Variants in ZC3H12C observed in about 807,000 individuals in gnomAD.
ZC3H12C encodes the protein zinc finger CCCH-type containing 12C.
A neutral mutation model predicts 76.3 loss-of-function variants in ZC3H12C; 20 were observed. The observed-to-expected ratio is 0.26, with a 90% CI of 0.18 to 0.38. The LOEUF (loss-of-function observed/expected upper bound fraction) is 0.38, where lower values mean the gene tolerates loss of function less well. Ranked by LOEUF, ZC3H12C falls within the 10% of genes least tolerant of loss-of-function variation. The probability of loss-of-function intolerance (pLI) is 1.00; values close to 1 mark genes in which losing one functional copy is unlikely to be tolerated. For synonymous variants in ZC3H12C, 352 were observed against 399.6 expected (o/e 0.88, Z 1.42); for missense variants, 874 against 1,086.5 (o/e 0.80, Z 2.75).
intron 2 of ZC3H12C, among the ~76,000 whole-genome samples, chr11:110,143,261 C>T (rs1471958467): frequency 6.6e-6 from 1 of 152,276 alleles, no homozygotes; most frequent in East Asian, 1.9e-4. Flanking sequence ...TGAGAGGCAG[C>T]TGCACTTCTT....
At chr11:110,161,332 T>A (rs986270014) in intron 4 of ZC3H12C, among the ~76,000 whole-genome samples, 2 of 152,224 alleles carry the variant, frequency 1.3e-5, no homozygotes, top group African/African-American at 4.8e-5. Flanking sequence ...AGTCCATTGT[T>A]GACCAAGATG....
chr11:110,094,362 A>T (rs1276313387), intron 1 of ZC3H12C, among the ~76,000 whole-genome samples: 1 of 152,252 alleles, frequency 6.6e-6, no homozygotes, highest in Non-Finnish European at 1.5e-5. Flanking sequence ...TTTAGAATAG[A>T]TGCAGAGATA....
chr11:110,117,743 T>C (rs28559283), intron 1 of ZC3H12C, among the ~76,000 whole-genome samples: 6 of 99,534 alleles, frequency 6.0e-5, no homozygotes, highest in African/African-American at 1.8e-4. Flanking sequence ...TACACACACA[T>C]ATATATATTA....
At position 110,109,290 on chromosome 11, in the gene ZC3H12C, A is replaced by G. The variant is rs574120372; in HGVS notation, c.21+15858A>G. ...CTTTGTTAGGAATGGAATCAAGTAT[A>G]TAAATCCTTAATAAAGCTCTCATTC... is the stretch of plus-strand genomic sequence containing the variant. On this transcript the variant is annotated intron_variant, in intron 1 of 5. Transcript: ENST00000278590. Among the ~76,000 whole-genome samples, 9 of 152,348 alleles carry G rather than the reference A, an allele frequency of 5.9e-5. No homozygotes were observed. In the East Asian group the frequency reaches 1.5e-3, roughly 26 times the overall value.
rs1203848679 is a variant in ZC3H12C at position 110,164,404 on chromosome 11, A to T, written c.1319A>T (p.Gln440Leu). 2 of 1,613,998 alleles carry T rather than the reference A, an allele frequency of 1.2e-6. No individual in the cohort carries two copies. The highest frequency in any genetic ancestry group is 1.7e-6 in the Non-Finnish European group (2 of 1,179,876). The change falls in exon 6 of 6, where the codon CAG becomes CTG. Residue 440 changes from glutamine (Q) to leucine (L), a missense_variant. By Grantham distance (113) the Gln-to-Leu change is moderately radical. Around this residue, in one of 3 missense-constraint regions of ZC3H12C, gnomAD observed 269 missense variants for 424.9 expected, o/e 0.63. Transcript: ENST00000278590. The surrounding 1 kb of genome is among the most constrained non-coding windows in gnomAD (Gnocchi z 5.7). ...CATCCCGAAAGGGGCAGTCAGCCAC[A>T]GCGGTCAGTGGCTGATGAACTCCGT... ...YYHPERGSQPQRSVADELRAM... is the reference protein window; with the variant it reads ...YYHPERGSQPLRSVADELRAM...
At chr11:110,126,347 C>A (rs767716472) in intron 1 of ZC3H12C, among the ~76,000 whole-genome samples, 1 of 150,476 alleles carries the variant, frequency 6.6e-6, no homozygotes, top group Non-Finnish European at 1.5e-5. Context: ...TTCCGAGTAG[C>A]TAGAACTACA....
chr11:110,093,723 C>G (rs1312747331), intron 1 of ZC3H12C, among the ~76,000 whole-genome samples: 1 of 152,098 alleles, frequency 6.6e-6, no homozygotes, highest in Non-Finnish European at 1.5e-5. Flanking sequence ...TTCCCGGCCC[C>G]GCGGCCTAAG....
At chr11:110,107,674 C>T (rs1434082565) in intron 1 of ZC3H12C, among the ~76,000 whole-genome samples, 4 of 150,788 alleles carry the variant, frequency 2.7e-5, no homozygotes, top group Non-Finnish European at 4.4e-5. Context: ...TACAGGCGCC[C>T]GCCACCATAC....
intron 1 of ZC3H12C, among the ~76,000 whole-genome samples, chr11:110,135,114 G>C (rs1437249882): frequency 6.6e-6 from 1 of 152,082 alleles, no homozygotes; most frequent in Non-Finnish European, 1.5e-5. Flanking sequence ...TTTTAAATAG[G>C]TGTTTTTATG....
intron 1 of ZC3H12C, among the ~76,000 whole-genome samples, chr11:110,103,489 CTTAAA>C (rs1861256590): frequency 2.0e-5 from 3 of 152,076 alleles, no homozygotes. Flanking sequence ...GAGAGCTTTG[CTTAAA>C]TTATTTAATT....
chr11:110,123,424 T>A (rs575006870), intron 1 of ZC3H12C, among the ~76,000 whole-genome samples: 8 of 152,360 alleles, frequency 5.3e-5, no homozygotes, highest in Non-Finnish European at 1.2e-4. Context: ...TGAGTTATAT[T>A]TTCATTTAAA....
intron 2 of ZC3H12C, among the ~76,000 whole-genome samples, chr11:110,148,449 G>T (rs926581989): frequency 1.3e-5 from 2 of 152,150 alleles, no homozygotes; most frequent in Admixed American, 1.3e-4. Flanking sequence ...TACCCATTTT[G>T]CTCAGTTGTA....
chr11:110,137,384 T>C lies in ZC3H12C; in HGVS notation c.743T>C (p.Ile248Thr), dbSNP rs747980369. Reference protein sequence around the residue: ...VTDDGENLRPIVIDGSNVAMS... With the variant: ...VTDDGENLRPTVIDGSNVAMS... The stretch of plus-strand genomic sequence containing the variant: ...GATGATGGTGAAAATCTGAGACCAA[T>C]AGTTATTGATGGCAGCAATGTGGCA... The change falls in exon 2 of 6, where the codon ATA becomes ACA. Residue 248 changes from isoleucine to threonine, a missense_variant. Ile to Thr is a moderately conservative substitution (Grantham distance 89, BLOSUM62 -1). Coordinates refer to ENST00000278590, the MANE Select transcript of ZC3H12C (RefSeq NM_033390.2). 34 of 1,609,834 alleles carry C rather than the reference T, an allele frequency of 2.1e-5. No individual in the cohort carries two copies. Among genetic ancestry groups the C allele is most frequent in the Non-Finnish European group, 2.8e-5 (33 of 1,178,496 alleles).
chr11:110,154,239 G>GT (rs1434002073), intron 3 of ZC3H12C, among the ~76,000 whole-genome samples: 2 of 152,022 alleles, frequency 1.3e-5, no homozygotes, highest in Non-Finnish European at 2.9e-5. Flanking sequence ...CAGGTGTGGT[G>GT]GCATGTGCTG....
At chr11:110,098,910 C>T (rs770539239) in intron 1 of ZC3H12C, among the ~76,000 whole-genome samples, 9 of 152,170 alleles carry the variant, frequency 5.9e-5, no homozygotes, top group African/African-American at 9.7e-5. Context: ...TAACCTAATA[C>T]GTGTCAATAG....
chr11:110,095,038 G>A (rs1861088485), intron 1 of ZC3H12C, among the ~76,000 whole-genome samples: 1 of 152,028 alleles, frequency 6.6e-6, no homozygotes, highest in Non-Finnish European at 1.5e-5. Context: ...ATTTAATAAG[G>A]GAAGTCTAAC....
intron 1 of ZC3H12C, among the ~76,000 whole-genome samples, chr11:110,130,120 C>T (rs1017398609): frequency 1.3e-5 from 2 of 152,046 alleles, no homozygotes; most frequent in African/African-American, 4.8e-5. Flanking sequence ...AAAGACTTTG[C>T]TTCTCTTTAA....
rs1289896911 is a variant in ZC3H12C, at chr11:110,167,191, C to T, written c.*1454C>T. The T allele has an allele frequency of 1.3e-5, 2 of 152,168 alleles. No individual in the cohort carries two copies. Among genetic ancestry groups the T allele is most frequent in the Middle Eastern group, 3.2e-3 (1 of 316 alleles). 9.4% of individuals were successfully genotyped at this position (152,168 alleles called of 1,614,324 possible). ...TTTTTCTGTAGTCTGCTTAGATGCC[C>T]TGGCTATTCTGATTATCCTACATGC... is the stretch of plus-strand genomic sequence containing the variant. On this transcript the variant is annotated 3_prime_UTR_variant, in exon 6 of 6. Transcript: ENST00000278590.
Position 110,137,355 on chromosome 11 carries a change from A to T in ZC3H12C, c.714A>T (p.Val238=). The T allele has an allele frequency of 6.2e-7, 1 of 1,613,672 alleles. No individual in the cohort carries two copies. ...QRSESPMQEI[V]TDDGENLRPI... is the part of the protein sequence containing the mutation. ...CTGAATCTCCAATGCAAGAGATTGTAACAGATGATGGTGAAAATCTGAGAC... is the reference window on the plus strand; with the variant it reads ...CTGAATCTCCAATGCAAGAGATTGTTACAGATGATGGTGAAAATCTGAGAC... Residue 238 remains valine (V), a synonymous_variant, in exon 2 of 6, where the codon GTA becomes GTT. Coordinates refer to ENST00000278590, the MANE Select transcript of ZC3H12C (RefSeq NM_033390.2).
Sources: allele counts gnomAD v4.1 joint callset (sites outside exome capture counted in the v4.1 genomes callset), GRCh38; gene constraint gnomAD v4.1.1; regional missense constraint gnomAD v4.1.1; non-coding constraint Gnocchi (gnomAD v3.1); transcripts MANE v1.5; gene names NCBI Gene and HGNC (gene_info 2026-07-23, HGNC 2026-07-21).